TIPRL: variants seen among roughly 807,000 people sequenced by gnomAD.
The protein encoded by TIPRL is TOR signaling pathway regulator.
Under a neutral mutation model 32.3 loss-of-function variants are expected in TIPRL, and 10 were observed. The observed-to-expected ratio is 0.31, with a 90% CI of 0.19 to 0.52. The LOEUF is 0.52. TIPRL is among the 20% of genes least tolerant of loss of function. The pLI is 0.96. For synonymous variants in TIPRL, 100 were observed against 114.0 expected, an observed-to-expected ratio of 0.88 and a Z score of 0.78; for missense variants, 250 against 328.1, an observed-to-expected ratio of 0.76 and a Z score of 1.84.
rs371113074 is a variant in TIPRL at position 168,183,885 on chromosome 1, C to G, written c.105-17C>G. On this transcript the variant is annotated splice_polypyrimidine_tract_variant and intron_variant, in intron 1 of 6. Coordinates refer to ENST00000367833, the MANE Select transcript of TIPRL (RefSeq NM_152902.5). Reference sequence around the variant, plus strand: ...AGCGATATAAAATTATCTCACCCGACTTTTGGTTACGTATAGATTAGCCGA... The same window carrying G: ...AGCGATATAAAATTATCTCACCCGAGTTTTGGTTACGTATAGATTAGCCGA... The G allele has an allele frequency of 1.3e-6, 2 of 1,594,846 alleles. No individual in the cohort carries two copies. Among genetic ancestry groups the G allele is most frequent in the African/African-American group, 2.7e-5 (2 of 74,496 alleles).
chr1:168,195,607 C>T (rs1268286654), intron 4 of TIPRL, among the ~76,000 whole-genome samples: 1 of 152,172 alleles, frequency 6.6e-6, no homozygotes, highest in Non-Finnish European at 1.5e-5. Flanking sequence ...CAGGGTCTTG[C>T]TCTGTTGCCC....
In TIPRL at chr1:168,179,062, G is replaced by A. The variant is rs533333229; in HGVS notation, c.-16G>A. ...TCAGCTTATTCCTTGTGGCCTCTGCGGGTCCTGCCTCAGCCATGATGATCC... is the reference window on the plus strand; with the variant it reads ...TCAGCTTATTCCTTGTGGCCTCTGCAGGTCCTGCCTCAGCCATGATGATCC... On this transcript the variant is annotated 5_prime_UTR_variant, in exon 1 of 7. Coordinates refer to ENST00000367833, the MANE Select transcript of TIPRL (RefSeq NM_152902.5). 5 of 1,611,756 alleles carry A rather than the reference G, an allele frequency of 3.1e-6. No homozygotes were observed. Among genetic ancestry groups the A allele is most frequent in the African/African-American group, 2.7e-5 (2 of 75,012 alleles).
chr1:168,186,101 A>AAAAT (rs1700024744), intron 3 of TIPRL, among the ~76,000 whole-genome samples: 1 of 141,134 alleles, frequency 7.1e-6, no homozygotes, highest in East Asian at 2.1e-4. Context: ...AAAAAAAAAA[A>AAAAT]AAGAGAGAGA....
At chr1:168,192,067 G>T in intron 4 of TIPRL, 1 of 1,012,870 alleles carries the variant, frequency 9.9e-7, no homozygotes, top group Non-Finnish European at 1.3e-6. Context: ...TAACTCTAAT[G>T]AAGACTGTGG....
rs1328190645 is a variant in TIPRL at position 168,201,871 on chromosome 1, CTTATT to C, written c.*1828_*1832del. ...TTGGTCCCTGAATAGTCCTAGATTA[CTTATT>C]TTGAGAATTCATTGTTAAAAATTAC... is the stretch of plus-strand genomic sequence containing the variant. On this transcript the variant is annotated 3_prime_UTR_variant, in exon 7 of 7. Transcript: ENST00000367833. The C allele has an allele frequency of 6.9e-6, 1 of 145,784 alleles. No individual in the cohort carries two copies. The highest frequency in any genetic ancestry group is 1.5e-5 in the Non-Finnish European group (1 of 66,798). The allele number at this position is 145,784 out of a possible 1,614,324, so 9.0% of individuals were successfully genotyped here. A position where few individuals can be genotyped will look rare whatever the true frequency, so the allele number is the denominator to read the frequency against.
Position 168,183,811 on chromosome 1 carries a change from G to A in TIPRL, c.105-91G>A, listed in dbSNP as rs971902657. The stretch of plus-strand genomic sequence containing the variant: ...AATCATGTGCTGTGTAACTCATTCA[G>A]CAAGTAGGAAGAATTCTGTTGGGAT... On this transcript the variant is annotated intron_variant, in intron 1 of 6. Coordinates refer to ENST00000367833, the MANE Select transcript of TIPRL (RefSeq NM_152902.5). 79 of 1,341,330 alleles carry A rather than the reference G, an allele frequency of 5.9e-5. No homozygotes were observed. In the African/African-American group the frequency reaches 1.1e-3, roughly 18 times the overall value. 83.1% of individuals were successfully genotyped at this position (1,341,330 alleles called of 1,614,324 possible).
intron 4 of TIPRL, among the ~76,000 whole-genome samples, chr1:168,194,271 G>A (rs1700128605): frequency 6.6e-6 from 1 of 152,168 alleles, no homozygotes; most frequent in Non-Finnish European, 1.5e-5. Context: ...GGATTGTCCT[G>A]TGCATCCCAG....
chr1:168,190,930 T>C (rs559236151), intron 3 of TIPRL, among the ~76,000 whole-genome samples: 25 of 152,354 alleles, frequency 1.6e-4, no homozygotes, highest in Middle Eastern at 3.4e-3. Flanking sequence ...GGGAGTTAGG[T>C]TGAGCAAATA....
chr1:168,179,456 C>T (rs1210246989), intron 1 of TIPRL, among the ~76,000 whole-genome samples: 1 of 151,940 alleles, frequency 6.6e-6, no homozygotes, highest in Non-Finnish European at 1.5e-5. Context: ...CCAAACGTCT[C>T]CTCCTGCCTC....
At chr1:168,196,519 A>G (rs1700154510) in intron 4 of TIPRL, 28 bp from the exon 5 acceptor site, 1 of 1,419,004 alleles carries the variant, frequency 7.0e-7, no homozygotes, top group Admixed American at 2.5e-5. Flanking sequence ...TTATTAAAAT[A>G]TTAATGTACC....
intron 1 of TIPRL, among the ~76,000 whole-genome samples, chr1:168,183,234 T>C (rs116808742): frequency 2.0e-5 from 3 of 152,318 alleles, no homozygotes; most frequent in Non-Finnish European, 4.4e-5. Flanking sequence ...ATTCAGAGTA[T>C]TTCTTTTTCA....
At chr1:168,180,664 T>G (rs1168379332) in intron 1 of TIPRL, among the ~76,000 whole-genome samples, 1 of 151,980 alleles carries the variant, frequency 6.6e-6, no homozygotes, top group African/African-American at 2.4e-5. Flanking sequence ...GCTTCCTAAT[T>G]CAAGAAAATA....
chr1:168,183,440 G>A (rs931879591), intron 1 of TIPRL, among the ~76,000 whole-genome samples: 3 of 140,480 alleles, frequency 2.1e-5, no homozygotes, highest in East Asian at 4.1e-4. Context: ...CAATCCTTCT[G>A]AAAGTCTGTG....
chr1:168,192,172 T>A (rs1170516940), intron 4 of TIPRL: 1 of 1,475,046 alleles, frequency 6.8e-7, no homozygotes, highest in African/African-American at 1.4e-5. Context: ...GTGTTATGAT[T>A]TCAGTGCATC....
At chr1:168,192,910 C>CA (rs1203097468) in intron 4 of TIPRL, among the ~76,000 whole-genome samples, 5 of 142,418 alleles carry the variant, frequency 3.5e-5, no homozygotes, top group African/African-American at 1.1e-4. Flanking sequence ...ACAAACAAAA[C>CA]AAACAAAAAA....
At chr1:168,179,289 G>A in intron 1 of TIPRL, 108 bp downstream of exon 1, 2 of 932,480 alleles carry the variant, frequency 2.1e-6, no homozygotes, top group Non-Finnish European at 3.3e-6. Context: ...GCGGAGGTTC[G>A]GTCCCTCCGG....
chr1:168,187,779 T>C (rs561154459), intron 3 of TIPRL, among the ~76,000 whole-genome samples: 3 of 152,026 alleles, frequency 2.0e-5, no homozygotes, highest in Admixed American at 1.3e-4. Flanking sequence ...TCAAGACCAG[T>C]CTGGGCAACA....
At chr1:168,189,449 G>T (rs891926766) in intron 3 of TIPRL, among the ~76,000 whole-genome samples, 2 of 152,122 alleles carry the variant, frequency 1.3e-5, no homozygotes, top group Non-Finnish European at 2.9e-5. Flanking sequence ...GGGTTCAAGC[G>T]ATTCTCCTGC....
chr1:168,196,547 A>C lies in TIPRL; in HGVS notation c.517A>C (p.Arg173=). 1 of 1,501,350 alleles carries C rather than the reference A, an allele frequency of 6.7e-7. No homozygotes were observed. The allele number at this position is 1,501,350 out of a possible 1,614,324, so 93.0% of individuals were successfully genotyped here. Residue 173 remains arginine, a splice_region_variant and synonymous_variant, in exon 5 of 7, where the codon AGA becomes CGA. Transcript: ENST00000367833. The part of the protein sequence containing the change: ...HGVSSLSVKI[R]VMPSSFFLLL... ...AATGTACCTTTTTTTTTTTTTCCAG[A>C]GAGTAATGCCTTCTAGCTTTTTCCT...
Sources: allele counts gnomAD v4.1 joint callset (sites outside exome capture counted in the v4.1 genomes callset), GRCh38; gene constraint gnomAD v4.1.1; transcripts MANE v1.5; gene names NCBI Gene and HGNC (gene_info 2026-07-23, HGNC 2026-07-21).